Variants in KATNIP observed in about 807,000 individuals in gnomAD.
KATNIP encodes katanin interacting protein.
KATNIP carries 126 observed loss-of-function variants against 174.0 expected under a neutral mutation model. That is an observed-to-expected ratio of 0.72 (90% confidence interval 0.63 to 0.84). The LOEUF is 0.84. KATNIP is among the 40% of genes least tolerant of loss of function. The pLI, the probability that KATNIP is intolerant of heterozygous loss-of-function variation, is 0.00. For missense variants in KATNIP, 1,958 were observed against 2,109.7 expected, an observed-to-expected ratio of 0.93 and a Z score of 1.41; for synonymous variants, 810 against 835.7, an observed-to-expected ratio of 0.97 and a Z score of 0.53.
In KATNIP at chr16:27,702,750, T is replaced by C. The variant is rs575893444; in HGVS notation, c.1286+1055T>C. Among the ~76,000 whole-genome samples, 168 of 152,256 alleles carry C rather than the reference T, an allele frequency of 1.1e-3. 2 individuals are homozygous for C. The highest frequency in any genetic ancestry group is 3.9e-3 in the African/African-American group (163 of 41,556). ...CCTAGAGGGAGCCCTTTGTTATAACTTAAAGGAAAACTGAATAGGCTAAAG... is the reference window on the plus strand; with the variant it reads ...CCTAGAGGGAGCCCTTTGTTATAACCTAAAGGAAAACTGAATAGGCTAAAG... On this transcript the variant is annotated intron_variant, in intron 11 of 27. Transcript: ENST00000261588.
chr16:27,575,683 GCGTCGTGTGA>G (rs2090471641), intron 2 of KATNIP, among the ~76,000 whole-genome samples: 1 of 152,180 alleles, frequency 6.6e-6, no homozygotes, highest in Non-Finnish European at 1.5e-5. Context: ...ACTGCACTCA[GCGTCGTGTGA>G]GTTACATGAC....
intron 2 of KATNIP, among the ~76,000 whole-genome samples, chr16:27,610,984 G>A (rs1281006510): frequency 3.3e-5 from 5 of 152,086 alleles, no homozygotes; most frequent in African/African-American, 7.2e-5. Context: ...TTTGAGGACC[G>A]AACCAATATT....
chr16:27,668,894 T>C (rs2077787109), intron 6 of KATNIP, among the ~76,000 whole-genome samples: 1 of 152,152 alleles, frequency 6.6e-6, no homozygotes, highest in African/African-American at 2.4e-5. Context: ...TAATCCCAGC[T>C]GTTCTGGAGG....
intron 14 of KATNIP, among the ~76,000 whole-genome samples, chr16:27,725,946 A>G (rs936644449): frequency 6.6e-6 from 1 of 152,102 alleles, no homozygotes; most frequent in Non-Finnish European, 1.5e-5. Flanking sequence ...CCCCAGGGGC[A>G]TGTTTCTGTG....
intron 1 of KATNIP, among the ~76,000 whole-genome samples, chr16:27,572,542 G>T (rs769446320): frequency 5.9e-5 from 9 of 152,262 alleles, no homozygotes; most frequent in Non-Finnish European, 1.3e-4. Flanking sequence ...CCTGCCCTGT[G>T]TCTCCCTCTT....
chr16:27,743,169 T>TC (rs1200524819), intron 15 of KATNIP, among the ~76,000 whole-genome samples: 1 of 152,252 alleles, frequency 6.6e-6, no homozygotes, highest in Non-Finnish European at 1.5e-5. Context: ...TACCTCCATG[T>TC]CCCTGCAAAG....
intron 14 of KATNIP, among the ~76,000 whole-genome samples, chr16:27,731,197 G>A (rs1386234322): frequency 6.6e-6 from 1 of 152,140 alleles, no homozygotes; most frequent in African/African-American, 2.4e-5. Flanking sequence ...GCATGCCAGG[G>A]CCTCAACCCA....
At chr16:27,641,818 T>TA (rs1163908182) in intron 5 of KATNIP, among the ~76,000 whole-genome samples, 3 of 152,210 alleles carry the variant, frequency 2.0e-5, no homozygotes, top group Non-Finnish European at 4.4e-5. Context: ...GGACCACACT[T>TA]AGAGTAGCAG....
chr16:27,768,191 C>T (rs1027769488), intron 20 of KATNIP, among the ~76,000 whole-genome samples: 1 of 152,210 alleles, frequency 6.6e-6, no homozygotes, highest in Non-Finnish European at 1.5e-5. Flanking sequence ...TTCCCGAGCA[C>T]CAGGGGTCCC....
Position 27,774,932 on chromosome 16 carries a change from G to A in KATNIP, c.4310-13G>A, listed in dbSNP as rs1196790342. 2 of 1,613,798 alleles carry A rather than the reference G, an allele frequency of 1.2e-6. No homozygotes were observed. The highest frequency in any genetic ancestry group is 1.7e-6 in the Non-Finnish European group (2 of 1,179,918). ...CACAGATTTGGGTTATGGCAACTTA[G>A]ACGTCTCCTCAGATATTGCGGCCTT... On this transcript the variant is annotated splice_polypyrimidine_tract_variant and intron_variant, in intron 23 of 27. Coordinates refer to ENST00000261588, the MANE Select transcript of KATNIP (RefSeq NM_015202.5).
intron 15 of KATNIP, among the ~76,000 whole-genome samples, chr16:27,742,057 T>C (rs1944361165): frequency 6.6e-6 from 1 of 150,542 alleles, no homozygotes; most frequent in Non-Finnish European, 1.5e-5. Context: ...AAGGCACATC[T>C]GCTGGCAGGA....
chr16:27,611,655 C>T (rs1024426651), intron 2 of KATNIP, among the ~76,000 whole-genome samples: 1 of 152,132 alleles, frequency 6.6e-6, no homozygotes, highest in Non-Finnish European at 1.5e-5. Flanking sequence ...AAATTACTTC[C>T]ACTTTAATCC....
intron 1 of KATNIP, among the ~76,000 whole-genome samples, chr16:27,563,647 A>G (rs533715132): frequency 5.2e-4 from 79 of 152,274 alleles, no homozygotes; most frequent in African/African-American, 1.9e-3. Flanking sequence ...CTGCATGCAC[A>G]GGGAAACATT....
chr16:27,598,357 CG>C (rs765516422), intron 2 of KATNIP, among the ~76,000 whole-genome samples: 1 of 152,086 alleles, frequency 6.6e-6, no homozygotes, highest in Non-Finnish European at 1.5e-5. Context: ...AATGAAAAAC[CG>C]TCTCTCTCCT....
intron 6 of KATNIP, chr16:27,669,405 C>T (rs1398219426): frequency 1.8e-6 from 1 of 548,522 alleles, no homozygotes; most frequent in African/African-American, 2.1e-5. Context: ...ATGCAGAGGG[C>T]TTTCTGTTGA....
chr16:27,625,367 G>A (rs560185454), intron 3 of KATNIP, among the ~76,000 whole-genome samples: 17 of 152,224 alleles, frequency 1.1e-4, no homozygotes, highest in Non-Finnish European at 1.6e-4. Flanking sequence ...GAGAAGTTGA[G>A]GCAGGCTGTC....
intron 19 of KATNIP, among the ~76,000 whole-genome samples, chr16:27,761,907 G>A (rs892506984): frequency 6.6e-6 from 1 of 152,310 alleles, no homozygotes; most frequent in East Asian, 1.9e-4. Context: ...CACAGTAGCT[G>A]TCTGTAAACC....
chr16:27,724,422 C>G (rs1195070106), intron 14 of KATNIP, among the ~76,000 whole-genome samples: 1 of 152,248 alleles, frequency 6.6e-6, no homozygotes, highest in Non-Finnish European at 1.5e-5. Context: ...AGCTTCATCC[C>G]TTTTGGCCAG....
At chr16:27,717,537 A>G (rs562916154) in intron 13 of KATNIP, among the ~76,000 whole-genome samples, 159 of 151,690 alleles carry the variant, frequency 1.0e-3, no homozygotes, top group African/African-American at 3.6e-3. Context: ...GCCTTCCCTC[A>G]TAGCACAGAG....
Sources: allele counts gnomAD v4.1 joint callset (sites outside exome capture counted in the v4.1 genomes callset), GRCh38; gene constraint gnomAD v4.1.1; transcripts MANE v1.5; gene names NCBI Gene and HGNC (gene_info 2026-07-23, HGNC 2026-07-21).